The following ENOX1 variants were observed in gnomAD, a reference collection of about 807,000 sequenced individuals.
ENOX1 encodes the protein candidate growth-related and time keeping constitutive hydroquinone (NADH) oxidase.
ENOX1 carries 42 observed loss-of-function variants against 82.5 expected under a neutral mutation model. The ratio of observed to expected loss-of-function variants is 0.51; its 90% CI spans 0.40 to 0.66. The LOEUF is 0.66. Ranked by LOEUF, ENOX1 falls within the 30% of genes least tolerant of loss-of-function variation. The pLI is 0.00. For missense variants in ENOX1, 608 were observed against 811.6 expected (o/e 0.75, Z 3.05); for synonymous variants, 271 against 282.2 (o/e 0.96, Z 0.40).
intron 3 of ENOX1, among the ~76,000 whole-genome samples, chr13:43,476,182 TTCAG>T (rs1239787604): frequency 1.3e-5 from 2 of 152,130 alleles, no homozygotes; most frequent in Non-Finnish European, 2.9e-5. Flanking sequence ...TGTTTATTCA[TTCAG>T]TAATTCAAAA....
intron 1 of ENOX1, among the ~76,000 whole-genome samples, chr13:43,715,311 T>C (rs1446412491): frequency 6.6e-6 from 1 of 152,166 alleles, no homozygotes; most frequent in Non-Finnish European, 1.5e-5. Context: ...CCTTTGTGGG[T>C]AACCCGACCT....
intron 16 of ENOX1, 63 bp downstream of exon 16, chr13:43,223,990 T>A: frequency 7.9e-7 from 1 of 1,259,954 alleles, no homozygotes; most frequent in Non-Finnish European, 1.2e-6. Flanking sequence ...AGAGTCCACC[T>A]GCAGGCAGCA....
chr13:43,630,223 G>A (rs770799330), intron 2 of ENOX1, among the ~76,000 whole-genome samples: 5 of 152,062 alleles, frequency 3.3e-5, no homozygotes, highest in Non-Finnish European at 5.9e-5. Context: ...TTTCAGGGGC[G>A]GAAATAAGCC....
intron 11 of ENOX1, among the ~76,000 whole-genome samples, chr13:43,307,091 A>G (rs1390821638): frequency 6.6e-6 from 1 of 152,212 alleles, no homozygotes; most frequent in Non-Finnish European, 1.5e-5. Flanking sequence ...AACTATCCAG[A>G]CTAGTAAGTG....
At chr13:43,362,551 C>T (rs2050594551) in intron 5 of ENOX1, among the ~76,000 whole-genome samples, 1 of 152,054 alleles carries the variant, frequency 6.6e-6, no homozygotes, top group East Asian at 1.9e-4. Context: ...CTGCCCGCCA[C>T]CCCTGCCCCC....
intron 11 of ENOX1, among the ~76,000 whole-genome samples, chr13:43,320,628 A>G (rs1022766158): frequency 2.0e-5 from 3 of 152,178 alleles, no homozygotes; most frequent in African/African-American, 7.2e-5. Flanking sequence ...TTACTTGGGA[A>G]ATTGACAAGT....
intron 2 of ENOX1, chr13:43,545,435 C>T (rs2078934704): frequency 6.6e-6 from 1 of 152,214 alleles, no homozygotes; most frequent in Non-Finnish European, 1.5e-5. Context: ...TGTTTCCTCT[C>T]TCATACATGC....
intron 1 of ENOX1, among the ~76,000 whole-genome samples, chr13:43,707,541 T>C (rs915134848): frequency 6.6e-6 from 1 of 152,124 alleles, no homozygotes; most frequent in East Asian, 1.9e-4. Flanking sequence ...CGAGACCATC[T>C]GGCCAACGTG....
chr13:43,413,624 G>A (rs988777735), intron 3 of ENOX1, among the ~76,000 whole-genome samples: 1 of 150,628 alleles, frequency 6.6e-6, no homozygotes, highest in African/African-American at 2.4e-5. Flanking sequence ...CAGCTCATTG[G>A]AAAGATAATT....
At chr13:43,257,227 G>A (rs2043800870) in intron 14 of ENOX1, among the ~76,000 whole-genome samples, 1 of 152,138 alleles carries the variant, frequency 6.6e-6, no homozygotes, top group African/African-American at 2.4e-5. Flanking sequence ...GAGTGTGATA[G>A]TTCAGTAGGT....
intron 15 of ENOX1, among the ~76,000 whole-genome samples, chr13:43,225,482 A>G (rs2041984756): frequency 6.6e-6 from 1 of 152,242 alleles, no homozygotes; most frequent in African/African-American, 2.4e-5. Context: ...CTGTTAAAAA[A>G]GTTTCAAGAT....
intron 2 of ENOX1, among the ~76,000 whole-genome samples, chr13:43,497,778 T>C (rs1056094156): frequency 2.0e-5 from 3 of 152,140 alleles, no homozygotes; most frequent in African/African-American, 7.2e-5. Context: ...TCCCCACCTC[T>C]ATTTCCCGTC....
At chr13:43,580,604 T>G (rs373378264) in intron 2 of ENOX1, among the ~76,000 whole-genome samples, 11 of 152,216 alleles carry the variant, frequency 7.2e-5, no homozygotes, top group African/African-American at 2.7e-4. Context: ...GTTAAGCTGT[T>G]GCAAATCCTA....
intron 1 of ENOX1, among the ~76,000 whole-genome samples, chr13:43,764,683 A>G (rs1951171563): frequency 6.6e-6 from 1 of 152,198 alleles, no homozygotes; most frequent in Non-Finnish European, 1.5e-5. Context: ...TACAAAATCT[A>G]ACAAAAACGC....
rs111574058 is a variant in ENOX1, at chr13:43,445,365, T to C, written c.-74-32377A>G. Among the ~76,000 whole-genome samples, 464 of 152,236 alleles carry C rather than the reference T, an allele frequency of 3.0e-3. 3 individuals carry two copies. The highest frequency in any genetic ancestry group is 4.6e-3 in the Non-Finnish European group (316 of 67,994). ...GTCTTGATCTCCTGACCTCGTGATC[T>C]GCCCGCCTTGGCCTCCCAAAGTGCT... On this transcript the variant is annotated intron_variant, in intron 3 of 16. Transcript: ENST00000690772.
intron 1 of ENOX1, among the ~76,000 whole-genome samples, chr13:43,721,447 C>T (rs866636169): frequency 3.9e-5 from 5 of 127,298 alleles, no homozygotes; most frequent in Middle Eastern, 6.6e-3. Flanking sequence ...GGCGGGATCT[C>T]GGCTCACTGC....
At chr13:43,656,559 A>T (rs1350079578) in intron 2 of ENOX1, among the ~76,000 whole-genome samples, 1 of 152,174 alleles carries the variant, frequency 6.6e-6, no homozygotes, top group African/African-American at 2.4e-5. Context: ...GTGTTTAGAG[A>T]ACAAAAGGGA....
intron 11 of ENOX1, among the ~76,000 whole-genome samples, chr13:43,317,284 G>A (rs1480844111): frequency 2.0e-5 from 3 of 152,176 alleles, no homozygotes; most frequent in South Asian, 4.1e-4. Flanking sequence ...GAATGACAGA[G>A]CCCCTTGCAG....
At chr13:43,611,099 C>G (rs1300068771) in intron 2 of ENOX1, among the ~76,000 whole-genome samples, 1 of 152,148 alleles carries the variant, frequency 6.6e-6, no homozygotes, top group Non-Finnish European at 1.5e-5. Context: ...CCTTGGGGGC[C>G]TTGTAATAAA....
Sources: allele counts gnomAD v4.1 joint callset (sites outside exome capture counted in the v4.1 genomes callset), GRCh38; gene constraint gnomAD v4.1.1; transcripts MANE v1.5; gene names NCBI Gene and HGNC (gene_info 2026-07-23, HGNC 2026-07-21).